CDCA2: variants seen among roughly 807,000 people sequenced by gnomAD.
CDCA2 encodes the protein cell division cycle-associated protein 2.
Under a neutral mutation model 67.0 loss-of-function variants are expected in CDCA2, and 44 were observed. That is an observed-to-expected ratio of 0.66 (90% CI 0.52 to 0.84). The LOEUF is 0.84. CDCA2 is among the 40% of genes least tolerant of loss of function. The pLI, the probability that CDCA2 is intolerant of heterozygous loss-of-function variation, is 0.00. For synonymous variants in CDCA2, 447 were observed against 418.7 expected, an observed-to-expected ratio of 1.07 and a Z score of -0.82; for missense variants, 1,253 against 1,203.2, an observed-to-expected ratio of 1.04 and a Z score of -0.61.
At chr8:25,500,688 T>G (rs1804438263) in intron 13 of CDCA2, among the ~76,000 whole-genome samples, 1 of 152,184 alleles carries the variant, frequency 6.6e-6, no homozygotes, top group African/African-American at 2.4e-5. Context: ...AATAAAGTTG[T>G]CATGTTTTTC....
rs941613043 is a variant in CDCA2, at chr8:25,461,733, G to C, written c.233-321G>C. On this transcript the variant is annotated intron_variant, in intron 3 of 14. Coordinates refer to ENST00000330560, the MANE Select transcript of CDCA2 (RefSeq NM_152562.4). ...TTATTTAGAAAAAGAAAAATACTGA[G>C]TCAAAAGCAAAAGCCATCTGTGTGT... Among the ~76,000 whole-genome samples the C allele has an allele frequency of 8.5e-5, 13 of 152,170 alleles. No homozygotes were observed. The South Asian group carries it at 1.9e-3, about 22-fold the overall frequency.
intron 7 of CDCA2, 56 bp from the exon 8 acceptor site, chr8:25,479,857 G>C: frequency 6.5e-7 from 1 of 1,548,940 alleles, no homozygotes; most frequent in Admixed American, 1.7e-5. Context: ...TTTTGGTCTA[G>C]AACAAACAGA....
chr8:25,468,483 C>A, intron 6 of CDCA2, 70 bp downstream of exon 6: 1 of 1,255,210 alleles, frequency 8.0e-7, no homozygotes, highest in South Asian at 1.3e-5. Flanking sequence ...TTAAGGCTGT[C>A]AGTGCCGTTC....
At chr8:25,485,646 C>A in intron 10 of CDCA2, 113 bp from the exon 11 acceptor site, 1 of 553,020 alleles carries the variant, frequency 1.8e-6, no homozygotes, top group Non-Finnish European at 3.2e-6. Flanking sequence ...GATTACCCAT[C>A]TTTATGCTTA....
Position 25,507,490 on chromosome 8 carries a change from G to C in CDCA2, c.2824G>C (p.Val942Leu). Reference sequence around the variant, plus strand: ...AAGTATGTCTCCCATAAAAGAAACTGTGTCCTCCAGACAAAAACCGCAGAT... The same window carrying C: ...AAGTATGTCTCCCATAAAAGAAACTCTGTCCTCCAGACAAAAACCGCAGAT... ...FESMSPIKET[V>L]SSRQKPQMAP... Residue 942 changes from valine (V) to leucine (L), a missense_variant, in exon 15 of 15, where the codon GTG becomes CTG. Physicochemically the swap from Val to Leu is conservative, Grantham distance 32. Transcript: ENST00000330560. The C allele has an allele frequency of 5.0e-6, 8 of 1,613,756 alleles. No individual in the cohort carries two copies. Among genetic ancestry groups the C allele is most frequent in the Middle Eastern group, 1.6e-4 (1 of 6,062 alleles).
intron 13 of CDCA2, among the ~76,000 whole-genome samples, chr8:25,500,422 T>C (rs1055648170): frequency 6.6e-6 from 1 of 152,176 alleles, no homozygotes; most frequent in Non-Finnish European, 1.5e-5. Flanking sequence ...ATATGTTCAT[T>C]AGCTTGATTT....
chr8:25,484,005 T>C lies in CDCA2; in HGVS notation c.1160T>C (p.Met387Thr), dbSNP rs987965252. 2.5e-6 allele frequency: 4 copies of C among 1,614,146 alleles called. No homozygotes were observed. Among genetic ancestry groups the C allele is most frequent in the Non-Finnish European group, 3.4e-6 (4 of 1,179,988 alleles). ...TTTGAAGCACCTGCCTTTCTAAATA[T>C]GAGGAAGAGGAAGAGAGTTACTTTT... The part of the protein sequence containing the change: ...ENFEAPAFLN[M>T]RKRKRVTFGE... Residue 387 changes from methionine (M) to threonine (T), a missense_variant, in exon 10 of 15, where the codon ATG becomes ACG. Physicochemically the swap from Met to Thr is moderately conservative, Grantham distance 81. Coordinates refer to ENST00000330560, the MANE Select transcript of CDCA2 (RefSeq NM_152562.4).
intron 6 of CDCA2, among the ~76,000 whole-genome samples, 153 bp downstream of exon 6, chr8:25,468,566 T>C (rs958491590): frequency 1.1e-4 from 16 of 149,450 alleles, no homozygotes; most frequent in African/African-American, 3.0e-4. Flanking sequence ...TGCGTGTGTG[T>C]GTGTGTGTTT....
chr8:25,474,516 T>C (rs1464790553), intron 7 of CDCA2, among the ~76,000 whole-genome samples: 2 of 152,208 alleles, frequency 1.3e-5, no homozygotes, highest in Non-Finnish European at 2.9e-5. Context: ...TTTATCCAAT[T>C]TCTTGGCATT....
In CDCA2 at chr8:25,488,637, G is replaced by A. The variant is rs1315415425; in HGVS notation, c.1619G>A (p.Arg540Lys). ...TGTAAAGAAAAGAAAATTAATAGGA[G>A]GAAGTCTCAAGAAACAAAGTGTACA... is the stretch of plus-strand genomic sequence containing the variant. Reference protein sequence around the residue: ...QPCKEKKINRRKSQETKCTKR... With the variant: ...QPCKEKKINRKKSQETKCTKR... The change falls in exon 13 of 15, where the codon AGG becomes AAG. Residue 540 changes from arginine (R) to lysine (K), a missense_variant. Transcript: ENST00000330560. 2 of 1,612,688 alleles carry A rather than the reference G, an allele frequency of 1.2e-6. No individual in the cohort carries two copies. The highest frequency in any genetic ancestry group is 1.1e-5 in the South Asian group (1 of 90,888).
At chr8:25,495,245 T>C (rs1256082263) in intron 13 of CDCA2, among the ~76,000 whole-genome samples, 1 of 152,180 alleles carries the variant, frequency 6.6e-6, no homozygotes, top group Non-Finnish European at 1.5e-5. Flanking sequence ...CAGTTTTGAT[T>C]GTGGGACCAT....
At position 25,469,453 on chromosome 8, in the gene CDCA2, G is replaced by A. The variant is rs187776411; in HGVS notation, c.736-443G>A. Among the ~76,000 whole-genome samples, 170 of 152,292 alleles carry A rather than the reference G, an allele frequency of 1.1e-3. 2 individuals are homozygous for A. The highest frequency in any genetic ancestry group is 4.0e-3 in the African/African-American group (166 of 41,552). On this transcript the variant is annotated intron_variant, in intron 6 of 14. Transcript: ENST00000330560. ...TCAGATATTATTTCTGAATTAGTGT[G>A]AATGTGTTTTCTATCCTAGCCTTTA... is the stretch of plus-strand genomic sequence containing the variant.
At chr8:25,487,937 G>T (rs113040140) in intron 12 of CDCA2, among the ~76,000 whole-genome samples, 1 of 152,118 alleles carries the variant, frequency 6.6e-6, no homozygotes, top group African/African-American at 2.4e-5. Context: ...GAGAAGATCA[G>T]CATGTAATTA....
chr8:25,486,901 G>A lies in CDCA2; in HGVS notation c.1445-345G>A, dbSNP rs1803799642. Among the ~76,000 whole-genome samples the A allele has an allele frequency of 3.3e-5, 5 of 152,096 alleles. No individual in the cohort carries two copies. In the South Asian group the frequency reaches 1.0e-3, roughly 32 times the overall value. On this transcript the variant is annotated intron_variant, in intron 11 of 14. Coordinates refer to ENST00000330560, the MANE Select transcript of CDCA2 (RefSeq NM_152562.4). ...AAAGTATTTTCATGGTTATCTTAAT[G>A]TCCTTTATTGCGATTTCATTATACA...
intron 13 of CDCA2, among the ~76,000 whole-genome samples, chr8:25,501,154 T>G (rs1467256105): frequency 6.6e-6 from 1 of 152,228 alleles, no homozygotes; most frequent in African/African-American, 2.4e-5. Context: ...AGAGATTATT[T>G]ATACTGTGGA....
chr8:25,460,662 T>C (rs1802647155), intron 3 of CDCA2, 108 bp downstream of exon 3: 1 of 1,154,578 alleles, frequency 8.7e-7, no homozygotes, highest in African/African-American at 1.6e-5. Context: ...GGTACCTAAA[T>C]TGCCTACTCT....
At chr8:25,505,452 C>T (rs1305901720) in intron 14 of CDCA2, among the ~76,000 whole-genome samples, 3 of 152,116 alleles carry the variant, frequency 2.0e-5, no homozygotes, top group Non-Finnish European at 4.4e-5. Flanking sequence ...CCACCTGCCT[C>T]GGCCTCCCAA....
chr8:25,490,519 C>T (rs1803960742), intron 13 of CDCA2, among the ~76,000 whole-genome samples: 1 of 151,904 alleles, frequency 6.6e-6, no homozygotes, highest in Non-Finnish European at 1.5e-5. Context: ...TAGGAGGGAG[C>T]TAGAGAGGAG....
chr8:25,470,218 G>C (rs985818198), intron 7 of CDCA2, among the ~76,000 whole-genome samples: 1 of 152,148 alleles, frequency 6.6e-6, no homozygotes, highest in East Asian at 1.9e-4. Flanking sequence ...TAAAGAGGTA[G>C]CACCTATGAA....
Sources: allele counts gnomAD v4.1 joint callset (sites outside exome capture counted in the v4.1 genomes callset), GRCh38; gene constraint gnomAD v4.1.1; transcripts MANE v1.5; gene names NCBI Gene and HGNC (gene_info 2026-07-23, HGNC 2026-07-21).